Variants in UNC5D observed in about 807,000 individuals in gnomAD.
UNC5D encodes the protein netrin receptor UNC5D.
A neutral mutation model predicts 105.4 loss-of-function variants in UNC5D; 39 were observed. The ratio of observed to expected loss-of-function variants is 0.37; its 90% CI spans 0.29 to 0.48. UNC5D has a LOEUF of 0.48. Ranked by LOEUF, UNC5D falls within the 20% of genes least tolerant of loss-of-function variation. The pLI is 0.98. For missense variants in UNC5D, 991 were observed against 1,202.4 expected (o/e 0.82, Z 2.60); for synonymous variants, 452 against 450.4 (o/e 1.00, Z -0.04).
At chr8:35,685,877 AC>A (rs1422335912) in intron 6 of UNC5D, among the ~76,000 whole-genome samples, 1 of 152,104 alleles carries the variant, frequency 6.6e-6, no homozygotes, top group Non-Finnish European at 1.5e-5. Flanking sequence ...TAAATAACCC[AC>A]ATAAGCATGG....
chr8:35,278,186 C>G lies in UNC5D; in HGVS notation c.103+42299C>G, dbSNP rs568522208. Among the ~76,000 whole-genome samples, 15 of 152,264 alleles carry G rather than the reference C, an allele frequency of 9.9e-5. 1 individual carries two copies. Among genetic ancestry groups the G allele is most frequent in the African/African-American group, 2.9e-4 (12 of 41,546 alleles). Reference sequence around the variant, plus strand: ...GTCTGGTCCCTGCTCACAGTGCCCTCCAACTCCTGCTGTGCCGCCCAGATG... The same window carrying G: ...GTCTGGTCCCTGCTCACAGTGCCCTGCAACTCCTGCTGTGCCGCCCAGATG... On this transcript the variant is annotated intron_variant, in intron 1 of 16. Coordinates refer to ENST00000404895, the MANE Select transcript of UNC5D (RefSeq NM_080872.4).
chr8:35,359,533 T>A (rs1801745406), intron 1 of UNC5D, among the ~76,000 whole-genome samples: 1 of 152,214 alleles, frequency 6.6e-6, no homozygotes, highest in South Asian at 2.1e-4. Context: ...CATGGGACAT[T>A]CTGATTAACT....
chr8:35,302,014 G>C (rs1222021193), intron 1 of UNC5D, among the ~76,000 whole-genome samples: 1 of 152,140 alleles, frequency 6.6e-6, no homozygotes, highest in East Asian at 1.9e-4. Context: ...TGTGAAATTT[G>C]GCAATGGCGA....
chr8:35,303,334 T>G (rs1185705445), intron 1 of UNC5D, among the ~76,000 whole-genome samples: 1 of 152,168 alleles, frequency 6.6e-6, no homozygotes, highest in African/African-American at 2.4e-5. Flanking sequence ...AAATTTTAAT[T>G]TTATTTAATT....
intron 1 of UNC5D, among the ~76,000 whole-genome samples, chr8:35,384,629 A>C (rs1014103052): frequency 2.0e-5 from 3 of 152,228 alleles, no homozygotes; most frequent in African/African-American, 7.2e-5. Flanking sequence ...CAATTGCAGA[A>C]ACCCAAAGTG....
chr8:35,608,966 C>A (rs902121329), intron 4 of UNC5D, among the ~76,000 whole-genome samples: 2 of 151,774 alleles, frequency 1.3e-5, no homozygotes, highest in African/African-American at 4.8e-5. Context: ...GTTTTTATTT[C>A]TTCAAGAAAT....
At chr8:35,319,992 A>G (rs1809605602) in intron 1 of UNC5D, among the ~76,000 whole-genome samples, 1 of 152,092 alleles carries the variant, frequency 6.6e-6, no homozygotes, top group Non-Finnish European at 1.5e-5. Context: ...TGTTGACAAA[A>G]AGAGTCAAAT....
At chr8:35,313,389 A>G (rs1809043066) in intron 1 of UNC5D, among the ~76,000 whole-genome samples, 1 of 152,184 alleles carries the variant, frequency 6.6e-6, no homozygotes. Flanking sequence ...TAGACTAGTC[A>G]TCAAGTTTTC....
At chr8:35,671,256 A>T (rs986504134) in intron 4 of UNC5D, among the ~76,000 whole-genome samples, 7 of 152,218 alleles carry the variant, frequency 4.6e-5, no homozygotes, top group African/African-American at 1.7e-4. Flanking sequence ...ATAAATGTAT[A>T]ATCTCAGCTC....
At chr8:35,787,856 G>A (rs943866360) in intron 16 of UNC5D, among the ~76,000 whole-genome samples, 1 of 152,082 alleles carries the variant, frequency 6.6e-6, no homozygotes, top group Non-Finnish European at 1.5e-5. Context: ...CTGGCCTCAA[G>A]TGATCCTCCC....
At chr8:35,543,510 G>A (rs569820419) in intron 1 of UNC5D, among the ~76,000 whole-genome samples, 2 of 152,148 alleles carry the variant, frequency 1.3e-5, no homozygotes, top group South Asian at 2.1e-4. Flanking sequence ...AGTGCCTTTC[G>A]CCCAGTTGTT....
In UNC5D at chr8:35,243,918, A is replaced by T. The variant is rs551842234; in HGVS notation, c.103+8031A>T. Among the ~76,000 whole-genome samples the T allele has an allele frequency of 7.9e-5, 12 of 152,320 alleles. No individual in the cohort carries two copies. The East Asian group carries it at 2.3e-3, about 29-fold the overall frequency. On this transcript the variant is annotated intron_variant, in intron 1 of 16. Transcript: ENST00000404895. ...CAAAAATCTAATCAATACTGTGATAAAACCCTTAGGAAACTTTATTCACCA... is the reference window on the plus strand; with the variant it reads ...CAAAAATCTAATCAATACTGTGATATAACCCTTAGGAAACTTTATTCACCA...
chr8:35,606,488 T>G (rs1413685255), intron 4 of UNC5D, among the ~76,000 whole-genome samples: 1 of 152,204 alleles, frequency 6.6e-6, no homozygotes, highest in Non-Finnish European at 1.5e-5. Flanking sequence ...AAATTGCATG[T>G]CACAAGAGTT....
chr8:35,416,439 G>A (rs1805541301), intron 1 of UNC5D, among the ~76,000 whole-genome samples: 1 of 151,990 alleles, frequency 6.6e-6, no homozygotes. Flanking sequence ...ATTTAAATCT[G>A]GCATTTGGTT....
chr8:35,415,414 A>T (rs1344895246), intron 1 of UNC5D, among the ~76,000 whole-genome samples: 11 of 152,142 alleles, frequency 7.2e-5, no homozygotes, highest in Non-Finnish European at 1.3e-4. Context: ...CAATAAATGT[A>T]TGTCATATAT....
chr8:35,271,303 A>G (rs62503916), intron 1 of UNC5D, among the ~76,000 whole-genome samples: 1,409 of 76,812 alleles, frequency 0.018, 12 homozygotes, highest in Non-Finnish European at 0.025. Context: ...GTATACACAC[A>G]TGCACGTGTG....
intron 4 of UNC5D, among the ~76,000 whole-genome samples, chr8:35,599,846 C>T (rs900597525): frequency 4.6e-5 from 7 of 152,104 alleles, no homozygotes; most frequent in African/African-American, 1.7e-4. Flanking sequence ...TACATGTGCA[C>T]AACGTGCAGG....
chr8:35,501,704 A>G (rs1003259399), intron 1 of UNC5D, among the ~76,000 whole-genome samples: 1 of 152,250 alleles, frequency 6.6e-6, no homozygotes, highest in Non-Finnish European at 1.5e-5. Context: ...AAGGATTTGC[A>G]TTCAGTTACC....
chr8:35,583,402 T>C (rs934514268), intron 3 of UNC5D, among the ~76,000 whole-genome samples: 1 of 152,076 alleles, frequency 6.6e-6, no homozygotes. Context: ...TGTGTATATG[T>C]ATATATATGA....
Sources: gnomAD v4.1 joint callset for allele counts (sites outside exome capture counted in the v4.1 genomes callset) on GRCh38, gnomAD v4.1.1 for gene constraint, MANE v1.5 for transcripts, NCBI Gene and HGNC (gene_info 2026-07-23, HGNC 2026-07-21) for gene names.